NBAS: variants seen among roughly 807,000 people sequenced by gnomAD.
The protein encoded by NBAS is NBAS subunit of NRZ tethering complex.
Under a neutral mutation model 302.5 loss-of-function variants are expected in NBAS, and 219 were observed. The ratio of observed to expected loss-of-function variants is 0.72; its 90% CI spans 0.65 to 0.81. The LOEUF is 0.81. Ranked by LOEUF, NBAS falls within the 30% of genes least tolerant of loss-of-function variation. The pLI, the probability that NBAS is intolerant of heterozygous loss-of-function variation, is 0.00. For synonymous variants in NBAS, 1,118 were observed against 1,021.6 expected, an observed-to-expected ratio of 1.09 and a Z score of -1.80; for missense variants, 2,932 against 2,841.6, an observed-to-expected ratio of 1.03 and a Z score of -0.72.
chr2:15,387,181 C>T (rs796666771), intron 28 of NBAS, among the ~76,000 whole-genome samples: 3 of 151,532 alleles, frequency 2.0e-5, no homozygotes, highest in African/African-American at 7.3e-5. Context: ...CATTCTCCTG[C>T]CTCAGCCTCC....
intron 42 of NBAS, among the ~76,000 whole-genome samples, chr2:15,285,709 A>G (rs865930409): frequency 3.9e-5 from 6 of 152,078 alleles, no homozygotes; most frequent in South Asian, 2.1e-4. Flanking sequence ...CTGGAGTGCA[A>G]TGGCGCGATC....
At chr2:14,791,912 C>T in the NBAS span, among the ~76,000 whole-genome samples, 10 of 152,078 alleles carry the variant, frequency 6.6e-5, no homozygotes, top group African/African-American at 2.2e-4. Context: ...AGCCTGATCC[C>T]GAAAACATCT....
At chr2:14,821,802 G>A in the NBAS span, among the ~76,000 whole-genome samples, 1 of 152,064 alleles carries the variant, frequency 6.6e-6, no homozygotes, top group East Asian at 1.9e-4. Flanking sequence ...CACAAGGTCA[G>A]GAGTTCAAGA....
At chr2:14,825,111 G>A in the NBAS span, among the ~76,000 whole-genome samples, 1 of 152,196 alleles carries the variant, frequency 6.6e-6, no homozygotes, top group Non-Finnish European at 1.5e-5. Flanking sequence ...TTGTCGGGGT[G>A]TGGCAGGCAG....
intron 21 of NBAS, among the ~76,000 whole-genome samples, chr2:15,447,054 A>C (rs1161322581): frequency 6.6e-6 from 1 of 152,236 alleles, no homozygotes; most frequent in Non-Finnish European, 1.5e-5. Flanking sequence ...AAACGGGACA[A>C]GTAGTAAACG....
At chr2:15,020,476 G>A in the NBAS span, among the ~76,000 whole-genome samples, 11 of 152,176 alleles carry the variant, frequency 7.2e-5, no homozygotes, top group Non-Finnish European at 1.3e-4. Context: ...CTGAAGGAGG[G>A]ATTCACAATG....
chr2:15,253,203 T>C (rs1668440076), intron 44 of NBAS, among the ~76,000 whole-genome samples: 1 of 152,110 alleles, frequency 6.6e-6, no homozygotes, highest in South Asian at 2.1e-4. Flanking sequence ...GACCGCAAGA[T>C]GTCTCATGGG....
intron 26 of NBAS, among the ~76,000 whole-genome samples, chr2:15,401,736 A>G (rs1490616560): frequency 6.6e-6 from 1 of 152,236 alleles, no homozygotes; most frequent in Non-Finnish European, 1.5e-5. Context: ...GTTAAAAATT[A>G]GGTACATTCA....
At chr2:14,949,569 C>A in the NBAS span, among the ~76,000 whole-genome samples, 1 of 152,044 alleles carries the variant, frequency 6.6e-6, no homozygotes, top group African/African-American at 2.4e-5. Flanking sequence ...ATGTTTATTG[C>A]AGCACTATTC....
At chr2:15,060,500 CT>C in the NBAS span, among the ~76,000 whole-genome samples, 1 of 152,162 alleles carries the variant, frequency 6.6e-6, no homozygotes, top group Non-Finnish European at 1.5e-5. Flanking sequence ...TATTCCTCCC[CT>C]GATCCTGGGA....
intron 42 of NBAS, among the ~76,000 whole-genome samples, chr2:15,285,902 A>G (rs979578344): frequency 2.6e-5 from 4 of 152,104 alleles, no homozygotes; most frequent in Admixed American, 6.5e-5. Flanking sequence ...TGATCTACCT[A>G]TCACAGCGCG....
the NBAS span, among the ~76,000 whole-genome samples, chr2:14,910,469 A>G: frequency 1.3e-5 from 2 of 152,198 alleles, no homozygotes; most frequent in Non-Finnish European, 2.9e-5. Context: ...TTCAGCGTCA[A>G]CCTGTCTGGC....
the NBAS span, among the ~76,000 whole-genome samples, chr2:15,011,693 C>T: frequency 2.0e-3 from 312 of 152,300 alleles, no homozygotes; most frequent in African/African-American, 7.1e-3. Flanking sequence ...TCCACCAACC[C>T]ACACATGCCC....
chr2:15,274,346 A>G (rs1410356747), intron 44 of NBAS, among the ~76,000 whole-genome samples: 1 of 152,186 alleles, frequency 6.6e-6, no homozygotes, highest in Non-Finnish European at 1.5e-5. Flanking sequence ...TTTCCAGGAT[A>G]ATACTAACTA....
At chr2:15,136,420 T>C in the NBAS span, among the ~76,000 whole-genome samples, 2 of 152,220 alleles carry the variant, frequency 1.3e-5, no homozygotes. Context: ...TGTTCTATTG[T>C]AGCCTGAAAA....
chr2:14,849,582 C>A, the NBAS span, among the ~76,000 whole-genome samples: 1 of 149,076 alleles, frequency 6.7e-6, no homozygotes, highest in Non-Finnish European at 1.5e-5. Flanking sequence ...ACAGAGAATG[C>A]CACAAAGATA....
At chr2:15,136,237 T>C in the NBAS span, among the ~76,000 whole-genome samples, 2 of 152,204 alleles carry the variant, frequency 1.3e-5, no homozygotes, top group South Asian at 4.1e-4. Context: ...CAGCTGTTCA[T>C]GAGAGTGTAT....
intron 51 of NBAS, among the ~76,000 whole-genome samples, chr2:15,173,650 G>C (rs959218916): frequency 6.6e-6 from 1 of 152,050 alleles, no homozygotes; most frequent in Non-Finnish European, 1.5e-5. Flanking sequence ...TCCTGGCATG[G>C]CACTTAATGG....
the NBAS span, among the ~76,000 whole-genome samples, chr2:15,125,168 T>C: frequency 6.6e-6 from 1 of 152,206 alleles, no homozygotes; most frequent in Non-Finnish European, 1.5e-5. Context: ...AGCCCACCTG[T>C]ATTAGTCTGT....
Sources: gnomAD v4.1 joint callset for allele counts (sites outside exome capture counted in the v4.1 genomes callset) on GRCh38, gnomAD v4.1.1 for gene constraint, MANE v1.5 for transcripts, NCBI Gene and HGNC (gene_info 2026-07-23, HGNC 2026-07-21) for gene names.